Variants in DCP1A observed in about 807,000 individuals in gnomAD.
DCP1A encodes the protein mRNA-decapping enzyme 1A.
A neutral mutation model predicts 58.0 loss-of-function variants in DCP1A; 20 were observed. The observed-to-expected ratio is 0.34, with a 90% CI of 0.24 to 0.50. The LOEUF is 0.50. Among genes scored for constraint, DCP1A ranks in the 20% least tolerant of loss-of-function variants. The probability of loss-of-function intolerance (pLI) is 0.98; values close to 1 mark genes in which losing one functional copy is unlikely to be tolerated. For synonymous variants in DCP1A, 285 were observed against 275.1 expected, an observed-to-expected ratio of 1.04 and a Z score of -0.36; for missense variants, 613 against 712.2, an observed-to-expected ratio of 0.86 and a Z score of 1.59.
chr3:53,295,037 G>A (rs568518047), intron 6 of DCP1A, among the ~76,000 whole-genome samples: 2 of 152,176 alleles, frequency 1.3e-5, no homozygotes, highest in Non-Finnish European at 2.9e-5. Context: ...TCAGTATGAG[G>A]AGAGGGAGCT....
intron 3 of DCP1A, among the ~76,000 whole-genome samples, chr3:53,334,006 T>C (rs575764488): frequency 6.7e-6 from 1 of 150,020 alleles, no homozygotes; most frequent in Non-Finnish European, 1.5e-5. Flanking sequence ...CTCACACCTA[T>C]AATCCAGCAC....
Position 53,283,460 on chromosome 3 carries a change from T to TA in DCP1A, c.*4119dup, listed in dbSNP as rs1277550438. 4.6e-5 allele frequency: 7 copies of TA among 152,138 alleles called. No homozygotes were observed. The highest frequency in any genetic ancestry group is 4.6e-4 in the Admixed American group (7 of 15,272). 9.4% of individuals were successfully genotyped at this position (152,138 alleles called of 1,614,324 possible). On this transcript the variant is annotated 3_prime_UTR_variant, in exon 10 of 10. Coordinates refer to ENST00000610213, the MANE Select transcript of DCP1A (RefSeq NM_018403.7). ...CTAAAACTTGGTTTTGAAATTTTAT[T>TA]AAAAAAATATATTTGCAAACATATA...
intron 3 of DCP1A, among the ~76,000 whole-genome samples, chr3:53,328,222 C>A (rs1553690871): frequency 2.0e-5 from 3 of 152,058 alleles, no homozygotes; most frequent in Non-Finnish European, 4.4e-5. Flanking sequence ...GCACACTGAA[C>A]CTGAAGGGCC....
chr3:53,343,999 G>A (rs2089257374), intron 2 of DCP1A, among the ~76,000 whole-genome samples: 1 of 152,104 alleles, frequency 6.6e-6, no homozygotes, highest in South Asian at 2.1e-4. Context: ...AAATATCAAA[G>A]AATTACACTT....
intron 4 of DCP1A, among the ~76,000 whole-genome samples, chr3:53,316,386 G>C (rs1468365887): frequency 6.6e-6 from 1 of 151,976 alleles, no homozygotes; most frequent in Non-Finnish European, 1.5e-5. Context: ...AAATAGGCCA[G>C]ACACTTAAAA....
At chr3:53,290,064 A>C (rs545647512) in intron 8 of DCP1A, among the ~76,000 whole-genome samples, 1 of 152,204 alleles carries the variant, frequency 6.6e-6, no homozygotes, top group African/African-American at 2.4e-5. Context: ...GACCAGTCAG[A>C]AGCTGGTTCC....
chr3:53,340,221 C>T (rs1162619811), intron 3 of DCP1A, among the ~76,000 whole-genome samples: 1 of 152,148 alleles, frequency 6.6e-6, no homozygotes, highest in African/African-American at 2.4e-5. Flanking sequence ...CCACTTTGCC[C>T]AGCCGAATTT....
intron 8 of DCP1A, among the ~76,000 whole-genome samples, chr3:53,290,247 A>G (rs1553685769): frequency 1.3e-5 from 2 of 152,190 alleles, no homozygotes; most frequent in African/African-American, 4.8e-5. Flanking sequence ...CAGGCCTGGG[A>G]GGCTTTGTTC....
At chr3:53,328,936 A>G (rs1401876202) in intron 3 of DCP1A, 2 of 155,952 alleles carry the variant, frequency 1.3e-5, no homozygotes, top group Non-Finnish European at 2.8e-5. Context: ...TACCAAGCAC[A>G]GCGGTGCCGC....
At chr3:53,290,953 C>CT in intron 7 of DCP1A, 97 bp from the exon 8 acceptor site, 2 of 1,094,256 alleles carry the variant, frequency 1.8e-6, no homozygotes, top group Non-Finnish European at 2.7e-6. Flanking sequence ...AGTGGAAAAT[C>CT]TAGGTTAGTA....
At chr3:53,289,066 A>G (rs1308799662) in intron 8 of DCP1A, among the ~76,000 whole-genome samples, 2 of 148,718 alleles carry the variant, frequency 1.3e-5, no homozygotes, top group East Asian at 4.5e-4. Context: ...GTGGGAGTGC[A>G]GTGGTGCAGT....
At chr3:53,291,791 A>T (rs1288641235) in intron 7 of DCP1A, among the ~76,000 whole-genome samples, 7 of 152,118 alleles carry the variant, frequency 4.6e-5, no homozygotes, top group Admixed American at 2.6e-4. Flanking sequence ...CTTTGGAATA[A>T]TTTGGTCCTC....
chr3:53,324,035 G>C (rs1708045333), intron 3 of DCP1A, among the ~76,000 whole-genome samples: 2 of 152,134 alleles, frequency 1.3e-5, no homozygotes. Flanking sequence ...CATCAAAGCT[G>C]TCAACTTATT....
At chr3:53,295,126 C>A (rs576125143) in intron 6 of DCP1A, among the ~76,000 whole-genome samples, 1 of 152,144 alleles carries the variant, frequency 6.6e-6, no homozygotes, top group African/African-American at 2.4e-5. Context: ...AGCATGCAGG[C>A]AAGTTTGCAT....
In DCP1A at chr3:53,328,522, T is replaced by TA. The variant is rs200471060; in HGVS notation, c.305-9050dup. Among the ~76,000 whole-genome samples, 621 of 141,244 alleles carry TA rather than the reference T, an allele frequency of 4.4e-3. 3 individuals are homozygous for TA. Among genetic ancestry groups the TA allele is most frequent in the African/African-American group, 0.014 (516 of 38,104 alleles). The allele number at this position is 141,244 out of a possible 152,430, so 92.7% of individuals were successfully genotyped here. A position where few individuals can be genotyped will look rare whatever the true frequency, so the allele number is the denominator to read the frequency against. On this transcript the variant is annotated intron_variant, in intron 3 of 9. Transcript: ENST00000610213. ...CTTTACAATTTAGATAACACCACAA[T>TA]AAAAAAAAAAAGATAAAAAGTGCTT...
chr3:53,304,001 C>T (rs1005058734), intron 6 of DCP1A, among the ~76,000 whole-genome samples, 176 bp downstream of exon 6: 1 of 152,216 alleles, frequency 6.6e-6, no homozygotes, highest in Non-Finnish European at 1.5e-5. Context: ...AGGTAGCAGG[C>T]TACTGCAAAA....
chr3:53,336,738 G>T (rs1248857649), intron 3 of DCP1A, among the ~76,000 whole-genome samples: 1 of 152,136 alleles, frequency 6.6e-6, no homozygotes, highest in Admixed American at 6.5e-5. Context: ...CTTGACCTGG[G>T]TAAGAAATGA....
chr3:53,314,277 T>C (rs903258053), intron 4 of DCP1A, among the ~76,000 whole-genome samples: 6 of 152,332 alleles, frequency 3.9e-5, no homozygotes, highest in Non-Finnish European at 7.4e-5. Flanking sequence ...TATTTGACTA[T>C]AGAATTTTAC....
chr3:53,297,761 T>G (rs575591488), intron 6 of DCP1A, among the ~76,000 whole-genome samples: 2 of 152,276 alleles, frequency 1.3e-5, no homozygotes, highest in East Asian at 3.9e-4. Context: ...TAAACTACTT[T>G]GAAAAACAGA....
Sources: gnomAD v4.1 joint callset for allele counts (sites outside exome capture counted in the v4.1 genomes callset) on GRCh38, gnomAD v4.1.1 for gene constraint, MANE v1.5 for transcripts, NCBI Gene and HGNC (gene_info 2026-07-23, HGNC 2026-07-21) for gene names.